Variants in MRPS30 observed in about 807,000 individuals in gnomAD.
MRPS30 encodes mitochondrial ribosomal protein S30.
MRPS30 carries 42 observed loss-of-function variants against 43.8 expected under a neutral mutation model. The ratio of observed to expected loss-of-function variants is 0.96; its 90% CI spans 0.75 to 1.24. MRPS30 has a LOEUF of 1.24. MRPS30 is among the 50% of genes most tolerant of loss of function. MRPS30 has a pLI of 0.00. For missense variants in MRPS30, 638 were observed against 570.0 expected (o/e 1.12, Z -1.22); for synonymous variants, 273 against 228.2 (o/e 1.20, Z -1.77).
At chr5:44,813,436 C>A (rs565101872) in intron 4 of MRPS30, 154 bp downstream of exon 4, 4 of 584,260 alleles carry the variant, frequency 6.8e-6, no homozygotes, top group Non-Finnish European at 1.1e-5. Context: ...TTAAAATCCT[C>A]GTTTAAATAC....
intron 1 of MRPS30, 88 bp from the exon 2 acceptor site, chr5:44,810,921 T>C: frequency 8.6e-7 from 1 of 1,156,544 alleles, no homozygotes; most frequent in Non-Finnish European, 1.2e-6. Flanking sequence ...AGTTATCATT[T>C]GCTAAGTTAG....
chr5:44,811,773 G>A (rs1024749440), intron 2 of MRPS30, 142 bp from the exon 3 acceptor site: 12 of 538,894 alleles, frequency 2.2e-5, no homozygotes, highest in East Asian at 3.4e-5. Context: ...TGGCTTGCTC[G>A]ATTTGGCCCA....
chr5:44,811,798 T>C (rs1742843076), intron 2 of MRPS30, 117 bp from the exon 3 acceptor site: 1 of 639,246 alleles, frequency 1.6e-6, no homozygotes, highest in South Asian at 2.4e-5. Flanking sequence ...TCGATGATAG[T>C]ATTATCAAAT....
intron 4 of MRPS30, among the ~76,000 whole-genome samples, chr5:44,814,387 A>G (rs193239368): frequency 1.3e-4 from 20 of 152,348 alleles, no homozygotes; most frequent in Admixed American, 9.1e-4. Flanking sequence ...AAGTGGGAGT[A>G]GGAGTAGATG....
Position 44,811,897 on chromosome 5 carries a change from CTT to C in MRPS30, c.748-15_748-14del. 7.1e-7 allele frequency: 1 copy of C among 1,411,220 alleles called. No individual in the cohort carries two copies. Among genetic ancestry groups the C allele is most frequent in the Non-Finnish European group, 9.6e-7 (1 of 1,039,616 alleles). The allele number at this position is 1,411,220 out of a possible 1,614,324, so 87.4% of individuals were successfully genotyped here. On this transcript the variant is annotated splice_polypyrimidine_tract_variant and intron_variant, in intron 2 of 4. Coordinates refer to ENST00000507110, the MANE Select transcript of MRPS30 (RefSeq NM_016640.4). ...TAATGTTGCTGTGAATTTAGTATGTCTTTTCTTTTTCTTTAAGTTTGTGCCAT... is the reference window on the plus strand; with the variant it reads ...TAATGTTGCTGTGAATTTAGTATGTCTTCTTTTTCTTTAAGTTTGTGCCAT...
chr5:44,810,890 C>T (rs192268580), intron 1 of MRPS30, 119 bp from the exon 2 acceptor site: 10 of 853,692 alleles, frequency 1.2e-5, no homozygotes, highest in Admixed American at 5.4e-5. Flanking sequence ...ATAACCCAGA[C>T]TCTTACCTCA....
chr5:44,813,092 A>G lies in MRPS30; in HGVS notation c.854-14A>G, dbSNP rs1561266431. Reference sequence around the variant, plus strand: ...TGTTTGTTTCATCTGAAATGTTTTTATTTTGCTCTTCAGGCTCAAAAACTG... The same window carrying G: ...TGTTTGTTTCATCTGAAATGTTTTTGTTTTGCTCTTCAGGCTCAAAAACTG... On this transcript the variant is annotated splice_polypyrimidine_tract_variant and intron_variant, in intron 3 of 4. Coordinates refer to ENST00000507110, the MANE Select transcript of MRPS30 (RefSeq NM_016640.4). 1 of 1,607,396 alleles carries G rather than the reference A, an allele frequency of 6.2e-7. No individual in the cohort carries two copies. Among genetic ancestry groups the G allele is most frequent in the East Asian group, 2.2e-5 (1 of 44,772 alleles).
At position 44,809,334 on chromosome 5, in the gene MRPS30, G is replaced by C; in HGVS notation, c.372G>C (p.Glu124Asp). The change falls in exon 1 of 5, where the codon GAG (glutamate) becomes GAC (aspartate). Residue 124 changes from glutamate to aspartate, a missense_variant. Physicochemically the swap from Glu to Asp is conservative, Grantham distance 45 (BLOSUM62 2). Transcript: ENST00000507110. ...CGGGTCTGCCGCCGCCCCCAGCGGA[G>C]CCCGAGCCCGAGCCCGAACCCGAAC... ...FLSGLPPPPA[E>D]PEPEPEPEPE... 1.2e-6 allele frequency: 2 copies of C among 1,607,598 alleles called. No homozygotes were observed. Among genetic ancestry groups the C allele is most frequent in the Non-Finnish European group, 1.7e-6 (2 of 1,177,274 alleles).
Position 44,810,989 on chromosome 5 carries a change from T to G in MRPS30, c.602-20T>G, listed in dbSNP as rs756388608. On this transcript the variant is annotated intron_variant, in intron 1 of 4. Transcript: ENST00000507110. ...ATTTAGATGATCAGATGAAAAAAAT[T>G]TTGAATATCTTTTTGATAGATTATA... is the stretch of plus-strand genomic sequence containing the variant. 2.5e-6 allele frequency: 4 copies of G among 1,607,438 alleles called. No individual in the cohort carries two copies. In the South Asian group the frequency reaches 4.4e-5, roughly 18 times the overall value.
rs147017456 is a variant in MRPS30, at chr5:44,813,133, A to G, written c.881A>G (p.Tyr294Cys). 2.5e-6 allele frequency: 4 copies of G among 1,613,248 alleles called. No individual in the cohort carries two copies. The highest frequency in any genetic ancestry group is 3.4e-6 in the Non-Finnish European group (4 of 1,179,660). ...TCAAAAACTGCAGATCCTTGCTGTTACGGTCACACCCAGTTTCATCTGTTA... is the reference window on the plus strand; with the variant it reads ...TCAAAAACTGCAGATCCTTGCTGTTGCGGTCACACCCAGTTTCATCTGTTA... ...VGSKTADPCCYGHTQFHLLPD... is the reference protein window; with the variant it reads ...VGSKTADPCCCGHTQFHLLPD... The change falls in exon 4 of 5, where the codon TAC (tyrosine) becomes TGC (cysteine). Residue 294 changes from tyrosine to cysteine, a missense_variant. Tyr to Cys is a radical substitution (Grantham distance 194). Transcript: ENST00000507110.
At chr5:44,814,890 T>A in intron 4 of MRPS30, 23 bp from the exon 5 acceptor site, 1 of 1,574,992 alleles carries the variant, frequency 6.3e-7, no homozygotes, top group Non-Finnish European at 8.6e-7. Flanking sequence ...ATGTGTAAAT[T>A]TCAGCATAAC....
chr5:44,810,945 TC>T, intron 1 of MRPS30, 63 bp from the exon 2 acceptor site: 1 of 1,454,060 alleles, frequency 6.9e-7, no homozygotes. Context: ...TCTTTAGTGT[TC>T]TAATAGTAAC....
chr5:44,815,316 T>C lies in MRPS30; in HGVS notation c.*114T>C, dbSNP rs1742903153. Reference sequence around the variant, plus strand: ...TACATTGATTTTTGAGACAAATATTTCTTATGTCAACCTGTTATTAGATCT... The same window carrying C: ...TACATTGATTTTTGAGACAAATATTCCTTATGTCAACCTGTTATTAGATCT... On this transcript the variant is annotated 3_prime_UTR_variant, in exon 5 of 5. Coordinates refer to ENST00000507110, the MANE Select transcript of MRPS30 (RefSeq NM_016640.4). 1.0e-6 allele frequency: 1 copy of C among 966,786 alleles called. No homozygotes were observed. The highest frequency in any genetic ancestry group is 1.6e-5 in the African/African-American group (1 of 61,162). 59.9% of individuals were successfully genotyped at this position (966,786 alleles called of 1,614,324 possible). A position where few individuals can be genotyped will look rare whatever the true frequency, so the allele number is the denominator to read the frequency against.
In MRPS30 at chr5:44,814,999, C is replaced by T. The variant is rs549231581; in HGVS notation, c.1117C>T (p.Gln373Ter). 8.1e-6 allele frequency: 13 copies of T among 1,613,348 alleles called. No homozygotes were observed. The South Asian group carries it at 1.3e-4, about 16-fold the overall frequency. ...DGKYFSFFCY[Q>*]LNTLALTTQA... ...AAAATACTTTTCCTTTTTCTGCTAC[C>T]AGCTAAATACTTTGGCACTGACTAC... Residue 373 changes from glutamine (Q) to a stop codon, truncating the protein, a stop_gained, in exon 5 of 5, where the codon CAG becomes TAG. Coordinates refer to ENST00000507110, the MANE Select transcript of MRPS30 (RefSeq NM_016640.4). LOFTEE classifies it high-confidence loss of function.
Position 44,815,081 on chromosome 5 carries a change from C to A in MRPS30, c.1199C>A (p.Pro400His), listed in dbSNP as rs567465054. ...ATATGTTGGGGTACACAAAGTAAGC[C>A]TCTTTATGAAACAATTGAGGATAAT... is the stretch of plus-strand genomic sequence containing the variant. The part of the protein sequence containing the change: ...KNICWGTQSK[P>H]LYETIEDNDV... Residue 400 changes from proline (P) to histidine (H), a missense_variant, in exon 5 of 5, where the codon CCT becomes CAT. By Grantham distance (77) the Pro-to-His change is moderately conservative. Transcript: ENST00000507110. 5.2e-4 allele frequency: 845 copies of A among 1,613,150 alleles called. 18 individuals carry two copies. In the South Asian group the frequency reaches 8.7e-3, roughly 17 times the overall value.
At chr5:44,811,262 G>T in intron 2 of MRPS30, 108 bp downstream of exon 2, 1 of 1,308,372 alleles carries the variant, frequency 7.6e-7, no homozygotes, top group South Asian at 1.5e-5. Flanking sequence ...TGGATCTCTT[G>T]CCTTTCAAGT....
Position 44,811,908 on chromosome 5 carries a change from C to G in MRPS30, c.748-7C>G, listed in dbSNP as rs1554027319. On this transcript the variant is annotated splice_region_variant and splice_polypyrimidine_tract_variant and intron_variant, in intron 2 of 4. Coordinates refer to ENST00000507110, the MANE Select transcript of MRPS30 (RefSeq NM_016640.4). Reference sequence around the variant, plus strand: ...TGAATTTAGTATGTCTTTTCTTTTTCTTTAAGTTTGTGCCATTGGATTATT... The same window carrying G: ...TGAATTTAGTATGTCTTTTCTTTTTGTTTAAGTTTGTGCCATTGGATTATT... 1.7e-5 allele frequency: 25 copies of G among 1,488,312 alleles called. No individual in the cohort carries two copies. In the South Asian group the frequency reaches 3.2e-4, roughly 19 times the overall value. 92.2% of individuals were successfully genotyped at this position (1,488,312 alleles called of 1,614,324 possible). A position where few individuals can be genotyped will look rare whatever the true frequency, so the allele number is the denominator to read the frequency against.
At position 44,815,165 on chromosome 5, in the gene MRPS30, G is replaced by A. The variant is rs1431455659; in HGVS notation, c.1283G>A (p.Arg428Lys). 5.0e-6 allele frequency: 8 copies of A among 1,594,968 alleles called. No individual in the cohort carries two copies. The highest frequency in any genetic ancestry group is 2.7e-5 in the African/African-American group (2 of 73,896). The change falls in exon 5 of 5, where the codon AGA becomes AAA. Residue 428 changes from arginine (R) to lysine (K), a missense_variant. Coordinates refer to ENST00000507110, the MANE Select transcript of MRPS30 (RefSeq NM_016640.4). ...CAGATAGTTCACTTTCTACTGAATA[G>A]ACCAAAAGAAGAAAAATCACAGCTG... is the stretch of plus-strand genomic sequence containing the variant. ...LLQIVHFLLN[R>K]PKEEKSQLLE...
rs747630619 is a variant in MRPS30, at chr5:44,809,500, C to T, written c.538C>T (p.Leu180=). 1.2e-6 allele frequency: 2 copies of T among 1,613,622 alleles called. No individual in the cohort carries two copies. Among genetic ancestry groups the T allele is most frequent in the Admixed American group, 3.3e-5 (2 of 60,004 alleles). ...CATATCTTTGCCCTTCCTGGATCAG[C>T]TGGTGTCAACCCTCGTGGGCCTCCT... ...EVISLPFLDQ[L]VSTLVGLLSP... The change falls in exon 1 of 5, where the codon CTG becomes TTG. Residue 180 remains leucine (L), a synonymous_variant. Transcript: ENST00000507110.
Sources: allele counts gnomAD v4.1 joint callset (sites outside exome capture counted in the v4.1 genomes callset), GRCh38; gene constraint gnomAD v4.1.1; transcripts MANE v1.5; gene names NCBI Gene and HGNC (gene_info 2026-07-23, HGNC 2026-07-21).